The following KHDRBS2 variants were observed in gnomAD, a reference collection of about 807,000 sequenced individuals.
KHDRBS2 encodes the protein KH RNA binding domain containing, signal transduction associated 2, also known as KH domain-containing, RNA-binding, signal transduction-associated protein 2.
A neutral mutation model predicts 44.3 loss-of-function variants in KHDRBS2; 26 were observed. That is an observed-to-expected ratio of 0.59 (90% CI 0.43 to 0.81). The LOEUF is 0.81. KHDRBS2 is among the 40% of genes least tolerant of loss of function. KHDRBS2 has a pLI of 0.00. For missense variants in KHDRBS2, 476 were observed against 433.1 expected (o/e 1.10, Z -0.88); for synonymous variants, 194 against 151.1 (o/e 1.28, Z -2.08).
intron 1 of KHDRBS2, among the ~76,000 whole-genome samples, chr6:62,201,943 C>T (rs1827079570): frequency 6.6e-6 from 1 of 151,848 alleles, no homozygotes; most frequent in Non-Finnish European, 1.5e-5. Context: ...AATATTTATT[C>T]TTATGGATAT....
chr6:61,647,432 A>G, the KHDRBS2 span, among the ~76,000 whole-genome samples: 1 of 152,162 alleles, frequency 6.6e-6, no homozygotes, highest in East Asian at 1.9e-4. Flanking sequence ...ATCTATAATT[A>G]TCTATAATTG....
chr6:61,993,719 G>A (rs536079308), intron 3 of KHDRBS2, among the ~76,000 whole-genome samples: 1 of 130,744 alleles, frequency 7.6e-6, no homozygotes, highest in Non-Finnish European at 1.6e-5. Flanking sequence ...GCTTGCTCCT[G>A]GTGCTAACAT....
chr6:61,746,835 A>G (rs1776928542), intron 6 of KHDRBS2, among the ~76,000 whole-genome samples: 1 of 152,140 alleles, frequency 6.6e-6, no homozygotes, highest in Admixed American at 6.5e-5. Flanking sequence ...CTTCATGACT[A>G]AAACACCAAA....
the KHDRBS2 span, among the ~76,000 whole-genome samples, chr6:61,644,906 G>A: frequency 3.3e-4 from 50 of 152,046 alleles, no homozygotes; most frequent in African/African-American, 1.2e-3. Context: ...AAGCAGTGTG[G>A]TGATTCCTTG....
chr6:61,702,120 C>A (rs1371831470), intron 7 of KHDRBS2, among the ~76,000 whole-genome samples: 2 of 151,816 alleles, frequency 1.3e-5, no homozygotes, highest in Admixed American at 1.3e-4. Flanking sequence ...TAGAAGACTT[C>A]TCGTTGTTCC....
intron 2 of KHDRBS2, among the ~76,000 whole-genome samples, chr6:62,153,381 A>G (rs556205455): frequency 6.6e-6 from 1 of 152,352 alleles, no homozygotes; most frequent in East Asian, 1.9e-4. Context: ...CTTGGAGTCC[A>G]AGCATATTTC....
chr6:61,559,475 T>C, the KHDRBS2 span, among the ~76,000 whole-genome samples: 12 of 152,158 alleles, frequency 7.9e-5, no homozygotes, highest in Non-Finnish European at 1.8e-4. Context: ...GTTTTCTGGT[T>C]ATTTTGTGGT....
chr6:62,142,377 A>T (rs1562949741), intron 2 of KHDRBS2, among the ~76,000 whole-genome samples: 2 of 152,084 alleles, frequency 1.3e-5, no homozygotes, highest in South Asian at 4.1e-4. Context: ...GGAGTGTACA[A>T]CTGTACAACC....
intron 2 of KHDRBS2, among the ~76,000 whole-genome samples, chr6:62,121,171 T>G (rs886093841): frequency 2.0e-5 from 3 of 152,180 alleles, no homozygotes; most frequent in African/African-American, 7.2e-5. Flanking sequence ...ACTTAGCAGC[T>G]GGCAGAATCC....
chr6:61,566,614 G>T, the KHDRBS2 span, among the ~76,000 whole-genome samples: 21 of 152,234 alleles, frequency 1.4e-4, no homozygotes, highest in Admixed American at 6.5e-4. Flanking sequence ...GAGCTTAAAG[G>T]TTAGAAGCAA....
At chr6:61,777,857 A>T (rs781165638) in intron 6 of KHDRBS2, among the ~76,000 whole-genome samples, 32 of 151,652 alleles carry the variant, frequency 2.1e-4, no homozygotes, top group Non-Finnish European at 2.9e-4. Flanking sequence ...TTTCCTTTTT[A>T]ACTTTAATTT....
At chr6:61,761,876 C>A (rs1175851711) in intron 6 of KHDRBS2, among the ~76,000 whole-genome samples, 1 of 152,030 alleles carries the variant, frequency 6.6e-6, no homozygotes, top group African/African-American at 2.4e-5. Flanking sequence ...TCATTCTTTT[C>A]AGGTTTAAAA....
chr6:62,279,899 T>C (rs569128659), intron 1 of KHDRBS2, among the ~76,000 whole-genome samples: 9 of 152,298 alleles, frequency 5.9e-5, no homozygotes, highest in African/African-American at 2.2e-4. Flanking sequence ...GGCCTCTACC[T>C]GGCACCATCA....
At chr6:62,073,488 T>C (rs1304096253) in intron 2 of KHDRBS2, among the ~76,000 whole-genome samples, 1 of 151,166 alleles carries the variant, frequency 6.6e-6, no homozygotes, top group East Asian at 1.9e-4. Flanking sequence ...TGCTCATCTT[T>C]ACAAAGAGCC....
At chr6:62,016,850 G>A (rs1278397665) in intron 3 of KHDRBS2, among the ~76,000 whole-genome samples, 2 of 151,748 alleles carry the variant, frequency 1.3e-5, no homozygotes, top group African/African-American at 4.8e-5. Flanking sequence ...CTTCTTCAAA[G>A]GTAGGGTGTC....
the KHDRBS2 span, among the ~76,000 whole-genome samples, chr6:61,625,411 G>A: frequency 2.7e-5 from 4 of 149,930 alleles, no homozygotes; most frequent in African/African-American, 4.9e-5. Context: ...AGTGTACCAC[G>A]CAGATATCTC....
intron 6 of KHDRBS2, among the ~76,000 whole-genome samples, chr6:61,817,903 T>C (rs886968411): frequency 1.3e-5 from 2 of 152,068 alleles, no homozygotes; most frequent in Non-Finnish European, 2.9e-5. Context: ...CAGGCCAGAC[T>C]TTCTGTAATT....
At chr6:61,650,915 A>C in the KHDRBS2 span, among the ~76,000 whole-genome samples, 1 of 152,086 alleles carries the variant, frequency 6.6e-6, no homozygotes, top group Non-Finnish European at 1.5e-5. Flanking sequence ...CTGACTTTCT[A>C]CCATGCTGTT....
intron 7 of KHDRBS2, among the ~76,000 whole-genome samples, chr6:61,703,790 A>G (rs1769057060): frequency 6.6e-6 from 1 of 151,936 alleles, no homozygotes; most frequent in Non-Finnish European, 1.5e-5. Flanking sequence ...GGTATTCACT[A>G]AACACTGATA....
Sources: allele counts gnomAD v4.1 joint callset (sites outside exome capture counted in the v4.1 genomes callset), GRCh38; gene constraint gnomAD v4.1.1; transcripts MANE v1.5; gene names NCBI Gene and HGNC (gene_info 2026-07-23, HGNC 2026-07-21).